The following SRRM4 variants were observed in gnomAD, a reference collection of about 807,000 sequenced individuals.
SRRM4 encodes serine/arginine repetitive matrix 4.
Under a neutral mutation model 68.9 loss-of-function variants are expected in SRRM4, and 33 were observed. That is an observed-to-expected ratio of 0.48 (90% CI 0.36 to 0.64). The LOEUF (loss-of-function observed/expected upper bound fraction) is 0.64. Ranked by LOEUF, SRRM4 falls within the 30% of genes least tolerant of loss-of-function variation. SRRM4 has a pLI of 0.00. For missense variants in SRRM4, 817 were observed against 827.1 expected (o/e 0.99, Z 0.15); for synonymous variants, 318 against 318.8 (o/e 1.00, Z 0.03).
At chr12:119,145,250 T>C in intron 8 of SRRM4, 131 bp from the exon 9 acceptor site, 2 of 815,886 alleles carry the variant, frequency 2.5e-6, no homozygotes, top group African/African-American at 3.6e-5. Context: ...TTTTGGCGTC[T>C]CTTCTTTCTT....
In SRRM4 at chr12:119,057,880, T is replaced by C. The variant is rs748427353; in HGVS notation, c.132-44356T>C. ...CTGTTGTTTCTGGACTTTTTAGTAA[T>C]TGCCATTGGTCCAGGGTTTTTTCTA... On this transcript the variant is annotated intron_variant, in intron 1 of 12. Transcript: ENST00000267260. 2.3e-4 allele frequency among the ~76,000 whole-genome samples: 35 copies of C among 152,314 alleles called. 1 individual carries two copies. The highest frequency in any genetic ancestry group is 1.0e-3 in the South Asian group (5 of 4,824).
chr12:119,112,524 C>T (rs1188030602), intron 2 of SRRM4, among the ~76,000 whole-genome samples: 1 of 152,138 alleles, frequency 6.6e-6, no homozygotes, highest in African/African-American at 2.4e-5. Context: ...GCACTATTCA[C>T]AATAGCAAAG....
chr12:119,124,822 G>T (rs1233111649), intron 6 of SRRM4, among the ~76,000 whole-genome samples: 1 of 150,906 alleles, frequency 6.6e-6, no homozygotes, highest in Non-Finnish European at 1.5e-5. Flanking sequence ...TGCCCAAAAA[G>T]GTGCCTTTAA....
intron 1 of SRRM4, among the ~76,000 whole-genome samples, chr12:119,048,755 T>A (rs1021475152): frequency 1.3e-5 from 2 of 152,086 alleles, no homozygotes; most frequent in African/African-American, 4.8e-5. Context: ...AGAAACCCTT[T>A]CTCTACTAAA....
Position 119,156,655 on chromosome 12 carries a change from C to T in SRRM4, c.1693C>T (p.Arg565Cys), listed in dbSNP as rs1170712058. The change falls in exon 13 of 13, where the codon CGC becomes TGC. Residue 565 changes from arginine (R) to cysteine (C), a missense_variant. Arg to Cys is a radical substitution (Grantham distance 180). Transcript: ENST00000267260. ...RSRSRRRSRT[R>C]TSSSSSSRSP... Reference sequence around the variant, plus strand: ...CCGGAGCCGGAGACGGAGCCGGACCCGCACGAGCAGCAGCTCTAGCTCCCG... The same window carrying T: ...CCGGAGCCGGAGACGGAGCCGGACCTGCACGAGCAGCAGCTCTAGCTCCCG... The T allele has an allele frequency of 6.3e-7, 1 of 1,579,590 alleles. No individual in the cohort carries two copies. Among genetic ancestry groups the T allele is most frequent in the Non-Finnish European group, 8.6e-7 (1 of 1,164,472 alleles).
intron 1 of SRRM4, among the ~76,000 whole-genome samples, chr12:119,075,596 ATGATGT>A (rs1405073061): frequency 3.1e-4 from 46 of 146,814 alleles, no homozygotes; most frequent in East Asian, 6.3e-4. Context: ...GATGATGATG[ATGATGT>A]TGATGATGGT....
intron 2 of SRRM4, among the ~76,000 whole-genome samples, chr12:119,110,950 G>A (rs959016412): frequency 1.3e-5 from 2 of 152,120 alleles, no homozygotes; most frequent in African/African-American, 4.8e-5. Flanking sequence ...GGCCACCTTG[G>A]AACCTCCTCA....
chr12:118,990,543 T>C (rs1326391021), intron 1 of SRRM4, among the ~76,000 whole-genome samples: 1 of 152,236 alleles, frequency 6.6e-6, no homozygotes, highest in Non-Finnish European at 1.5e-5. Flanking sequence ...TCTTCTCTCC[T>C]GGCTGGACTT....
At chr12:119,045,934 A>T (rs2136014431) in intron 1 of SRRM4, among the ~76,000 whole-genome samples, 1 of 152,230 alleles carries the variant, frequency 6.6e-6, no homozygotes, top group Admixed American at 6.5e-5. Flanking sequence ...GCTACTCAGG[A>T]GGCTGAGGCA....
At chr12:119,062,581 CT>C (rs1953821214) in intron 1 of SRRM4, among the ~76,000 whole-genome samples, 1 of 152,134 alleles carries the variant, frequency 6.6e-6, no homozygotes, top group African/African-American at 2.4e-5. Context: ...TTTCTTTTTA[CT>C]TTTTAAACTT....
intron 1 of SRRM4, among the ~76,000 whole-genome samples, chr12:118,984,337 G>A (rs1953268317): frequency 6.6e-6 from 1 of 152,198 alleles, no homozygotes; most frequent in Non-Finnish European, 1.5e-5. Context: ...CAGAGGCATT[G>A]GCACAATATC....
At chr12:119,037,937 A>T (rs1168336775) in intron 1 of SRRM4, among the ~76,000 whole-genome samples, 4 of 152,234 alleles carry the variant, frequency 2.6e-5, no homozygotes, top group Non-Finnish European at 5.9e-5. Context: ...CCAGCAGGTC[A>T]ATGAAGTATG....
At chr12:119,141,704 G>A (rs1446073112) in intron 8 of SRRM4, among the ~76,000 whole-genome samples, 1 of 152,176 alleles carries the variant, frequency 6.6e-6, no homozygotes, top group Non-Finnish European at 1.5e-5. Flanking sequence ...TCTGTGCCAG[G>A]CATTGGTGAA....
chr12:119,081,779 G>C (rs1565904300), intron 1 of SRRM4, among the ~76,000 whole-genome samples: 1 of 152,174 alleles, frequency 6.6e-6, no homozygotes, highest in African/African-American at 2.4e-5. Flanking sequence ...AGAAGTGATT[G>C]GATTCTGAAT....
At chr12:119,012,493 G>C (rs1237737770) in intron 1 of SRRM4, among the ~76,000 whole-genome samples, 3 of 152,056 alleles carry the variant, frequency 2.0e-5, no homozygotes, top group Non-Finnish European at 2.9e-5. Flanking sequence ...CCCCACTTTG[G>C]AACTGTAGGG....
At chr12:119,065,336 A>G (rs1273009618) in intron 1 of SRRM4, among the ~76,000 whole-genome samples, 7 of 152,226 alleles carry the variant, frequency 4.6e-5, no homozygotes, top group Non-Finnish European at 1.0e-4. Flanking sequence ...TGACTGAAAC[A>G]GGGAAATATC....
chr12:119,136,623 GA>G (rs963555954), intron 8 of SRRM4, among the ~76,000 whole-genome samples: 1 of 152,006 alleles, frequency 6.6e-6, no homozygotes, highest in Non-Finnish European at 1.5e-5. Flanking sequence ...GACCTTGGAA[GA>G]AAAAAATGAG....
chr12:119,156,770 C>G lies in SRRM4; in HGVS notation c.1808C>G (p.Ala603Gly). The G allele has an allele frequency of 3.9e-6, 6 of 1,542,592 alleles. No homozygotes were observed. Among genetic ancestry groups the G allele is most frequent in the Non-Finnish European group, 5.2e-6 (6 of 1,145,198 alleles). ...SRSQSRSYSS[A>G]DSYSSTRR ...AGCCAGAGCCGGAGCTACAGCTCAG[C>G]AGACAGCTACTCCAGCACGAGGCGC... Residue 603 changes from alanine to glycine, a missense_variant, in exon 13 of 13, where the codon GCA (alanine) becomes GGA (glycine). Physicochemically the swap from Ala to Gly is moderately conservative, Grantham distance 60 (BLOSUM62 0). Transcript: ENST00000267260.
At chr12:119,121,422 C>T (rs1395545124) in intron 5 of SRRM4, among the ~76,000 whole-genome samples, 2 of 152,210 alleles carry the variant, frequency 1.3e-5, no homozygotes, top group East Asian at 3.8e-4. Flanking sequence ...CAGACCCTAG[C>T]CCTATGACTC....
Sources: gnomAD v4.1 joint callset for allele counts (sites outside exome capture counted in the v4.1 genomes callset) on GRCh38, gnomAD v4.1.1 for gene constraint, MANE v1.5 for transcripts, NCBI Gene and HGNC (gene_info 2026-07-23, HGNC 2026-07-21) for gene names.